FBLN7: variants seen among roughly 807,000 people sequenced by gnomAD.
FBLN7 encodes fibulin 7, also known as fibulin-7.
Under a neutral mutation model 44.0 loss-of-function variants are expected in FBLN7, and 31 were observed. The observed-to-expected ratio is 0.70, with a 90% CI of 0.53 to 0.95. The LOEUF is 0.95. Ranked by LOEUF, FBLN7 falls within the 40% of genes least tolerant of loss-of-function variation. FBLN7 has a pLI of 0.00. For synonymous variants in FBLN7, 262 were observed against 253.4 expected, an observed-to-expected ratio of 1.03 and a Z score of -0.32; for missense variants, 573 against 618.5, an observed-to-expected ratio of 0.93 and a Z score of 0.78.
Position 112,142,848 on chromosome 2 carries a change from G to A in FBLN7, c.75+4118G>A, listed in dbSNP as rs139357401. 7.4e-4 allele frequency among the ~76,000 whole-genome samples: 112 copies of A among 152,120 alleles called. 1 individual carries two copies. The highest frequency in any genetic ancestry group is 2.7e-3 in the African/African-American group (111 of 41,488). On this transcript the variant is annotated intron_variant, in intron 1 of 7. Transcript: ENST00000331203. ...CACCTTTTTTGCATTGGTACCTGTGGTTGTGTGTGCATCTGTCTGCGTGAG... is the reference window on the plus strand; with the variant it reads ...CACCTTTTTTGCATTGGTACCTGTGATTGTGTGTGCATCTGTCTGCGTGAG...
the FBLN7 span, among the ~76,000 whole-genome samples, chr2:112,200,292 G>A: frequency 6.6e-6 from 1 of 152,142 alleles, no homozygotes; most frequent in South Asian, 2.1e-4. Flanking sequence ...AAGGAGTATG[G>A]CTTGCCCAGG....
chr2:112,236,412 T>C, the FBLN7 span: 2 of 982,594 alleles, frequency 2.0e-6, no homozygotes, highest in Non-Finnish European at 1.5e-6. Context: ...GAGAACCCAG[T>C]GACAGTAAAA....
At chr2:112,234,271 A>T in the FBLN7 span, 6 of 1,426,928 alleles carry the variant, frequency 4.2e-6, no homozygotes, top group Non-Finnish European at 4.8e-6. Context: ...TAAATGTAAG[A>T]AACAGAAAAT....
At chr2:112,181,952 G>A in intron 5 of FBLN7, 76 bp downstream of exon 5, 2 of 1,464,616 alleles carry the variant, frequency 1.4e-6, no homozygotes, top group Admixed American at 2.5e-5. Context: ...CTCACCCACC[G>A]CCCTCCTGCC....
chr2:112,217,914 G>C, the FBLN7 span, among the ~76,000 whole-genome samples: 1 of 151,862 alleles, frequency 6.6e-6, no homozygotes, highest in African/African-American at 2.4e-5. Context: ...ATGTGTGTCT[G>C]GTTTCTTGTG....
downstream of FBLN7, chr2:112,188,316 G>A (rs1236993185): frequency 6.6e-6 from 1 of 152,212 alleles, no homozygotes; most frequent in Non-Finnish European, 1.5e-5. Flanking sequence ...GAATAAATGA[G>A]TCAGAGAACA....
the FBLN7 span, chr2:112,212,965 C>CTTTTTTTT: frequency 1.1e-3 from 94 of 84,882 alleles, 1 homozygote; most frequent in African/African-American, 3.2e-3. Context: ...AGAAGAAATG[C>CTTTTTTTT]TTTTTTTTTT....
chr2:112,164,399 A>G (rs546892391), intron 2 of FBLN7, among the ~76,000 whole-genome samples: 1 of 152,346 alleles, frequency 6.6e-6, no homozygotes, highest in Non-Finnish European at 1.5e-5. Context: ...GAGGCAAGTC[A>G]ATAAGAAAGT....
At position 112,187,558 on chromosome 2, in the gene FBLN7, G is replaced by A. The variant is rs371247540; in HGVS notation, c.*52G>A. The A allele has an allele frequency of 8.0e-5, 127 of 1,584,770 alleles. No homozygotes were observed. In the African/African-American group the frequency reaches 9.5e-4, roughly 12 times the overall value. On this transcript the variant is annotated 3_prime_UTR_variant, in exon 8 of 8. Coordinates refer to ENST00000331203, the MANE Select transcript of FBLN7 (RefSeq NM_153214.3). The surrounding 1 kb of genome is among the most constrained non-coding windows in gnomAD (Gnocchi z 5.1). ...AGAGCTGACCTCATTTCTCTTCCCCGAAGGCTCAGCTTCGGGCACCGACTG... is the reference window on the plus strand; with the variant it reads ...AGAGCTGACCTCATTTCTCTTCCCCAAAGGCTCAGCTTCGGGCACCGACTG...
chr2:112,160,736 A>ACGCACGCG (rs1558879907), intron 2 of FBLN7, among the ~76,000 whole-genome samples: 1 of 102,152 alleles, frequency 9.8e-6, no homozygotes, highest in African/African-American at 3.9e-5. Context: ...ACGCACGCAC[A>ACGCACGCG]CGCACACACG....
At chr2:112,159,935 C>T (rs1445813575) in intron 2 of FBLN7, 100 bp downstream of exon 2, 6 of 954,492 alleles carry the variant, frequency 6.3e-6, no homozygotes, top group Non-Finnish European at 8.3e-6. Context: ...CCTCACCCTT[C>T]CCCCATCACC....
chr2:112,217,094 C>T, the FBLN7 span, among the ~76,000 whole-genome samples: 3 of 152,092 alleles, frequency 2.0e-5, no homozygotes, highest in Non-Finnish European at 4.4e-5. Flanking sequence ...ACAGACCAGG[C>T]GCGGTGGCTC....
chr2:112,206,648 A>G, the FBLN7 span, among the ~76,000 whole-genome samples: 1 of 151,742 alleles, frequency 6.6e-6, no homozygotes, highest in Non-Finnish European at 1.5e-5. Flanking sequence ...GGCTCAAGCA[A>G]TCCACCTGCC....
the FBLN7 span, among the ~76,000 whole-genome samples, chr2:112,225,351 A>ACCTG: frequency 6.6e-6 from 1 of 152,250 alleles, no homozygotes; most frequent in Non-Finnish European, 1.5e-5. Context: ...GGTAGCACAC[A>ACCTG]CCTGCAGTCC....
rs548207340 is a variant in FBLN7 at position 112,144,814 on chromosome 2, C to T, written c.75+6084C>T. ...TGTTGGGATTACAGGCGTGAGCCACCGTGCCTGGCCTCTACTGTTTATCGG... is the reference window on the plus strand; with the variant it reads ...TGTTGGGATTACAGGCGTGAGCCACTGTGCCTGGCCTCTACTGTTTATCGG... On this transcript the variant is annotated intron_variant, in intron 1 of 7. Coordinates refer to ENST00000331203, the MANE Select transcript of FBLN7 (RefSeq NM_153214.3). Among the ~76,000 whole-genome samples the T allele has an allele frequency of 4.7e-4, 71 of 152,306 alleles. 1 individual carries two copies. Among genetic ancestry groups the T allele is most frequent in the African/African-American group, 1.5e-3 (62 of 41,580 alleles).
chr2:112,158,551 T>C (rs2104559368), intron 1 of FBLN7, among the ~76,000 whole-genome samples: 1 of 152,252 alleles, frequency 6.6e-6, no homozygotes, highest in East Asian at 1.9e-4. Context: ...TTCTCCTGCC[T>C]CAGCCTCCCG....
intron 6 of FBLN7, among the ~76,000 whole-genome samples, chr2:112,184,233 G>A (rs556679849): frequency 6.6e-6 from 1 of 152,304 alleles, no homozygotes; most frequent in South Asian, 2.1e-4. Context: ...GGGGAGCCCC[G>A]CTGGCTCCAG....
At chr2:112,164,868 A>G in intron 2 of FBLN7, 133 bp from the exon 3 acceptor site, 1 of 966,488 alleles carries the variant, frequency 1.0e-6, no homozygotes, top group Non-Finnish European at 1.5e-6. Context: ...ATGCAGAATG[A>G]CCAGCACAGT....
chr2:112,187,506 A>G lies in FBLN7; in HGVS notation c.1320A>G (p.Ter440TrpextTer129). 1 of 1,613,602 alleles carries G rather than the reference A, an allele frequency of 6.2e-7. No individual in the cohort carries two copies. Among genetic ancestry groups the G allele is most frequent in the Non-Finnish European group, 8.5e-7 (1 of 1,179,692 alleles). ...VTIFVSPYDF[*>W] ...TCTTTGTATCCCCCTATGACTTCTG[A>G]GGGTACACAGGGGCACTGGGGTGTG... Residue 440 changes from the stop codon to tryptophan, a stop_lost, in exon 8 of 8, where the codon TGA becomes TGG. Transcript: ENST00000331203. The surrounding 1 kb of genome is among the most constrained non-coding windows in gnomAD (Gnocchi z 5.1).
Sources: allele counts gnomAD v4.1 joint callset (sites outside exome capture counted in the v4.1 genomes callset), GRCh38; gene constraint gnomAD v4.1.1; non-coding constraint Gnocchi (gnomAD v3.1); transcripts MANE v1.5; gene names NCBI Gene and HGNC (gene_info 2026-07-23, HGNC 2026-07-21).